PCOLCE2: variants seen among roughly 807,000 people sequenced by gnomAD.
PCOLCE2 encodes procollagen C-proteinase enhancer 2.
PCOLCE2 carries 42 observed loss-of-function variants against 47.0 expected under a neutral mutation model. The ratio of observed to expected loss-of-function variants is 0.89; its 90% confidence interval spans 0.70 to 1.16. The LOEUF (loss-of-function observed/expected upper bound fraction) is 1.16, where lower values mean the gene tolerates loss of function less well. Among genes scored for constraint, PCOLCE2 ranks in the 50% most tolerant of loss-of-function variants. PCOLCE2 has a pLI of 0.00. For missense variants in PCOLCE2, 500 were observed against 526.1 expected, an observed-to-expected ratio of 0.95 and a Z score of 0.49; for synonymous variants, 169 against 191.7, an observed-to-expected ratio of 0.88 and a Z score of 0.98.
chr3:142,847,730 T>C (rs1205836397), intron 3 of PCOLCE2, among the ~76,000 whole-genome samples: 1 of 151,124 alleles, frequency 6.6e-6, no homozygotes, highest in Non-Finnish European at 1.5e-5. Flanking sequence ...AGAGATGGGG[T>C]TTCACCATTT....
At chr3:142,875,060 T>C (rs1347409934) in intron 2 of PCOLCE2, among the ~76,000 whole-genome samples, 1 of 152,178 alleles carries the variant, frequency 6.6e-6, no homozygotes, top group Non-Finnish European at 1.5e-5. Flanking sequence ...GGAACAAATT[T>C]TCATATATCT....
chr3:142,881,234 GCTA>G (rs1317842384), intron 2 of PCOLCE2, among the ~76,000 whole-genome samples: 1 of 152,134 alleles, frequency 6.6e-6, no homozygotes, highest in African/African-American at 2.4e-5. Context: ...AAAGTTGTGT[GCTA>G]CCCTTTGTAT....
intron 2 of PCOLCE2, among the ~76,000 whole-genome samples, chr3:142,857,472 C>A (rs1933084762): frequency 6.6e-6 from 1 of 152,122 alleles, no homozygotes; most frequent in South Asian, 2.1e-4. Context: ...GATGGAAGTA[C>A]TAAGTGAAGC....
At chr3:142,865,154 G>GTGTT (rs1256614495) in intron 2 of PCOLCE2, among the ~76,000 whole-genome samples, 1 of 150,296 alleles carries the variant, frequency 6.7e-6, no homozygotes, top group African/African-American at 2.5e-5. Flanking sequence ...GCTATTCTCT[G>GTGTT]TGTTTTTTTT....
At chr3:142,879,839 G>C (rs897887214) in intron 2 of PCOLCE2, among the ~76,000 whole-genome samples, 2 of 151,966 alleles carry the variant, frequency 1.3e-5, no homozygotes, top group African/African-American at 4.8e-5. Context: ...GCGTGGTGGG[G>C]GGGCGCCTGT....
chr3:142,837,103 T>C (rs1937212674), intron 5 of PCOLCE2, among the ~76,000 whole-genome samples: 1 of 152,184 alleles, frequency 6.6e-6, no homozygotes, highest in African/African-American at 2.4e-5. Flanking sequence ...AAGCAGCGAC[T>C]GAAGTGACAC....
chr3:142,828,685 T>C (rs1485065505), intron 6 of PCOLCE2, among the ~76,000 whole-genome samples: 1 of 152,230 alleles, frequency 6.6e-6, no homozygotes, highest in Non-Finnish European at 1.5e-5. Flanking sequence ...TACAGTCACA[T>C]TGTGTCCAGG....
At chr3:142,874,508 T>A (rs1479624541) in intron 2 of PCOLCE2, among the ~76,000 whole-genome samples, 1 of 152,226 alleles carries the variant, frequency 6.6e-6, no homozygotes, top group Non-Finnish European at 1.5e-5. Context: ...CGTGAGTCAA[T>A]TAAAACTCTT....
intron 4 of PCOLCE2, among the ~76,000 whole-genome samples, 169 bp from the exon 5 acceptor site, chr3:142,839,075 C>A (rs1041957598): frequency 3.3e-5 from 5 of 151,710 alleles, no homozygotes; most frequent in Admixed American, 3.3e-4. Context: ...AAAAAAAAAA[C>A]TGTGGTATTC....
intron 6 of PCOLCE2, among the ~76,000 whole-genome samples, chr3:142,825,173 C>T (rs1937061036): frequency 6.6e-6 from 1 of 152,064 alleles, no homozygotes; most frequent in African/African-American, 2.4e-5. Flanking sequence ...TTAACTGAGT[C>T]AAAAAGTTGT....
At chr3:142,846,930 C>A (rs1446277163) in intron 3 of PCOLCE2, among the ~76,000 whole-genome samples, 1 of 152,138 alleles carries the variant, frequency 6.6e-6, no homozygotes, top group Non-Finnish European at 1.5e-5. Context: ...TACTTGTTTG[C>A]TAATTGCAAC....
chr3:142,827,549 A>G (rs1937097034), intron 6 of PCOLCE2: 1 of 1,477,658 alleles, frequency 6.8e-7, no homozygotes, highest in Admixed American at 1.7e-5. Context: ...ACCCTCAGGC[A>G]TGGTGCCCAC....
chr3:142,839,709 T>C (rs1239688027), intron 4 of PCOLCE2, among the ~76,000 whole-genome samples: 1 of 152,232 alleles, frequency 6.6e-6, no homozygotes, highest in Admixed American at 6.5e-5. Context: ...GTGGTAATCA[T>C]TTCACAATGT....
At chr3:142,833,149 C>A (rs770532115) in intron 5 of PCOLCE2, among the ~76,000 whole-genome samples, 8 of 151,890 alleles carry the variant, frequency 5.3e-5, no homozygotes, top group Non-Finnish European at 7.4e-5. Context: ...TGTTTTTAAA[C>A]GTCATAAATG....
chr3:142,821,376 G>A (rs1010665295), intron 7 of PCOLCE2, among the ~76,000 whole-genome samples: 4 of 152,134 alleles, frequency 2.6e-5, no homozygotes, highest in African/African-American at 9.7e-5. Flanking sequence ...GGCTTATGAG[G>A]CTCTACCTGT....
At chr3:142,883,054 G>A (rs1933655531) in intron 2 of PCOLCE2, among the ~76,000 whole-genome samples, 1 of 151,828 alleles carries the variant, frequency 6.6e-6, no homozygotes, top group South Asian at 2.1e-4. Flanking sequence ...CAAAAAATTA[G>A]CTGGGCATAG....
chr3:142,824,623 GTTAAT>G (rs1560129188), intron 6 of PCOLCE2, among the ~76,000 whole-genome samples: 2 of 152,082 alleles, frequency 1.3e-5, no homozygotes, highest in East Asian at 1.9e-4. Flanking sequence ...CAACTCCTCT[GTTAAT>G]TTATTATTTA....
chr3:142,828,762 C>T (rs1250570631), intron 6 of PCOLCE2, among the ~76,000 whole-genome samples: 1 of 152,132 alleles, frequency 6.6e-6, no homozygotes, highest in African/African-American at 2.4e-5. Context: ...GCAAGGGAAC[C>T]ACTAGCTCAA....
chr3:142,884,222 T>C (rs944509211), intron 2 of PCOLCE2, among the ~76,000 whole-genome samples: 2 of 152,196 alleles, frequency 1.3e-5, no homozygotes, highest in Non-Finnish European at 1.5e-5. Flanking sequence ...TGGTGGGATG[T>C]CAACTTTTGG....
Sources: allele counts gnomAD v4.1 joint callset (sites outside exome capture counted in the v4.1 genomes callset), GRCh38; gene constraint gnomAD v4.1.1; transcripts MANE v1.5; gene names NCBI Gene and HGNC (gene_info 2026-07-23, HGNC 2026-07-21).